SYNJ2: variants seen among roughly 807,000 people sequenced by gnomAD.
SYNJ2 encodes polyphosphatidylinositol phosphatase SYNJ2.
A neutral mutation model predicts 141.3 loss-of-function variants in SYNJ2; 116 were observed. The observed-to-expected ratio is 0.82, with a 90% CI of 0.71 to 0.96. SYNJ2 has a LOEUF of 0.96. SYNJ2 is among the 40% of genes least tolerant of loss of function. SYNJ2 has a pLI of 0.00. For missense variants in SYNJ2, 1,873 were observed against 1,934.8 expected, an observed-to-expected ratio of 0.97 and a Z score of 0.60; for synonymous variants, 745 against 777.7, an observed-to-expected ratio of 0.96 and a Z score of 0.70.
At chr6:158,091,059 T>C (rs1487239459) in intron 25 of SYNJ2, among the ~76,000 whole-genome samples, 1 of 152,114 alleles carries the variant, frequency 6.6e-6, no homozygotes, top group Non-Finnish European at 1.5e-5. Flanking sequence ...GGCTCACGCC[T>C]GTAATCCCAG....
chr6:158,089,677 GC>G (rs1371445605), intron 24 of SYNJ2, among the ~76,000 whole-genome samples, 161 bp from the exon 25 acceptor site: 1 of 152,006 alleles, frequency 6.6e-6, no homozygotes, highest in African/African-American at 2.4e-5. Context: ...GAAAGAGAGT[GC>G]TCCAGGAAAG....
At chr6:158,004,720 T>A (rs1382358094) in intron 1 of SYNJ2, among the ~76,000 whole-genome samples, 4 of 152,168 alleles carry the variant, frequency 2.6e-5, no homozygotes, top group African/African-American at 7.2e-5. Context: ...CTCTCTTGCA[T>A]GAGATCTAAG....
chr6:158,044,215 G>A (rs1354746262), intron 5 of SYNJ2, among the ~76,000 whole-genome samples: 1 of 152,230 alleles, frequency 6.6e-6, no homozygotes, highest in Non-Finnish European at 1.5e-5. Flanking sequence ...GGCTACTGGG[G>A]CCCAGAGTGC....
rs1783890372 is a variant in SYNJ2 at position 158,098,281 on chromosome 6, C to T, written c.*1917C>T. On this transcript the variant is annotated 3_prime_UTR_variant, in exon 27 of 27. Coordinates refer to ENST00000355585, the MANE Select transcript of SYNJ2 (RefSeq NM_003898.4). Reference sequence around the variant, plus strand: ...AGATCTCATTTTTAGGTTTTCTCTTCGTTCCAGATACCAAATAAATGGGAC... The same window carrying T: ...AGATCTCATTTTTAGGTTTTCTCTTTGTTCCAGATACCAAATAAATGGGAC... 6.6e-6 allele frequency: 1 copy of T among 152,170 alleles called. No individual in the cohort carries two copies. Among genetic ancestry groups the T allele is most frequent in the Admixed American group, 6.5e-5 (1 of 15,274 alleles). 9.4% of individuals were successfully genotyped at this position (152,170 alleles called of 1,614,324 possible).
rs772334040 is a variant in SYNJ2 at position 158,074,564 on chromosome 6, TTTC to T, written c.2134-13_2134-11del. 1 of 1,607,290 alleles carries T rather than the reference TTTC, an allele frequency of 6.2e-7. No individual in the cohort carries two copies. ...GCAAGATGGGCTGAATGATTATGAT[TTTC>T]TTTTCAACTTAGGGGAGAAATGTTT... On this transcript the variant is annotated splice_polypyrimidine_tract_variant and intron_variant, in intron 15 of 26. Transcript: ENST00000355585.
At chr6:157,984,993 A>G (rs1777148842) in intron 1 of SYNJ2, among the ~76,000 whole-genome samples, 1 of 152,184 alleles carries the variant, frequency 6.6e-6, no homozygotes, top group South Asian at 2.1e-4. Context: ...GCGGATGCAC[A>G]TAGCTGCTTT....
rs1778497417 is a variant in SYNJ2 at position 158,017,212 on chromosome 6, G to A, written c.136G>A (p.Glu46Lys). Residue 46 changes from glutamate (E) to lysine (K), a missense_variant, in exon 2 of 27, where the codon GAA becomes AAA. Glu to Lys is a moderately conservative substitution (Grantham distance 56). Coordinates refer to ENST00000355585, the MANE Select transcript of SYNJ2 (RefSeq NM_003898.4). ...AGTVATLAPE[E>K]KEVIKGQYGK... ...ATGTGTTTCTTCCCCAGCTCCAGAA[G>A]AAAAGGAAGTCATTAAAGGACAGTA... is the stretch of plus-strand genomic sequence containing the variant. 6.2e-7 allele frequency: 1 copy of A among 1,613,086 alleles called. No individual in the cohort carries two copies. The highest frequency in any genetic ancestry group is 8.5e-7 in the Non-Finnish European group (1 of 1,179,720).
In SYNJ2 at chr6:158,098,720, G is replaced by A. The variant is rs1030726033; in HGVS notation, c.*2356G>A. 2 of 152,016 alleles carry A rather than the reference G, an allele frequency of 1.3e-5. No homozygotes were observed. The highest frequency in any genetic ancestry group is 2.9e-5 in the Non-Finnish European group (2 of 68,020). 9.4% of individuals were successfully genotyped at this position (152,016 alleles called of 1,614,324 possible). On this transcript the variant is annotated 3_prime_UTR_variant, in exon 27 of 27. Coordinates refer to ENST00000355585, the MANE Select transcript of SYNJ2 (RefSeq NM_003898.4). The stretch of plus-strand genomic sequence containing the variant: ...TTTCGTCTTTGATGCTACCATCCAG[G>A]GCTTCTTATTGTGACCTTGTAGCCT...
intron 2 of SYNJ2, 173 bp from the exon 3 acceptor site, chr6:158,028,583 C>T: frequency 2.5e-6 from 2 of 798,824 alleles, no homozygotes; most frequent in Non-Finnish European, 3.9e-6. Flanking sequence ...CTGAAGCTTA[C>T]AGGACAGGGC....
intron 1 of SYNJ2, among the ~76,000 whole-genome samples, chr6:158,006,347 C>T (rs1258569553): frequency 6.6e-6 from 1 of 152,168 alleles, no homozygotes; most frequent in Non-Finnish European, 1.5e-5. Flanking sequence ...TTTTGCCCCT[C>T]AACTTTACTG....
At chr6:158,020,658 CCAGCTGCGTGACTT>C (rs1217588869) in intron 2 of SYNJ2, among the ~76,000 whole-genome samples, 4 of 150,890 alleles carry the variant, frequency 2.7e-5, no homozygotes, top group Admixed American at 1.3e-4. Context: ...TTGCCTGACT[CCAGCTGCGTGACTT>C]CAGCTGTGTG....
intron 1 of SYNJ2, among the ~76,000 whole-genome samples, chr6:158,013,345 T>A (rs1778335692): frequency 6.6e-6 from 1 of 152,126 alleles, no homozygotes; most frequent in African/African-American, 2.4e-5. Context: ...TGCACCATTG[T>A]ACTCCAGCCT....
Position 158,076,630 on chromosome 6 carries a change from T to C in SYNJ2, c.2297T>C (p.Phe766Ser). Residue 766 changes from phenylalanine (F) to serine (S), a missense_variant, in exon 17 of 27, where the codon TTT (phenylalanine) becomes TCT (serine). Coordinates refer to ENST00000355585, the MANE Select transcript of SYNJ2 (RefSeq NM_003898.4). ...GACTTCTTTTTCTCCCAATAGATTT[T>C]TAAGGACTTTCACGAAGGAGCCATT... is the stretch of plus-strand genomic sequence containing the variant. The part of the protein sequence containing the change: ...LQLQKSSGKI[F>S]KDFHEGAINF... 1 of 1,612,184 alleles carries C rather than the reference T, an allele frequency of 6.2e-7. No individual in the cohort carries two copies. The highest frequency in any genetic ancestry group is 8.5e-7 in the Non-Finnish European group (1 of 1,178,680).
At chr6:158,093,188 C>G in intron 26 of SYNJ2, 84 bp downstream of exon 26, 5 of 1,440,324 alleles carry the variant, frequency 3.5e-6, no homozygotes, top group Non-Finnish European at 4.7e-6. Flanking sequence ...GTAATCCCAG[C>G]ACATTGGGAA....
chr6:158,053,936 C>G (rs1046918047), intron 5 of SYNJ2, among the ~76,000 whole-genome samples: 3 of 151,586 alleles, frequency 2.0e-5, no homozygotes, highest in Admixed American at 6.6e-5. Context: ...TCTTATCCAC[C>G]TTTCTATCCA....
At chr6:158,059,538 G>A in intron 7 of SYNJ2, 185 bp downstream of exon 7, 1 of 1,369,904 alleles carries the variant, frequency 7.3e-7, no homozygotes. Flanking sequence ...CCCTGATACA[G>A]TGAGTGTAAT....
intron 24 of SYNJ2, 23 bp from the exon 25 acceptor site, chr6:158,089,816 C>T: frequency 1.3e-6 from 2 of 1,586,954 alleles, no homozygotes; most frequent in Non-Finnish European, 1.7e-6. Context: ...TGATACTCTG[C>T]TCTTCCTCAT....
At chr6:158,094,354 T>A (rs1783664261) in intron 26 of SYNJ2, among the ~76,000 whole-genome samples, 2 of 134,344 alleles carry the variant, frequency 1.5e-5, no homozygotes, top group South Asian at 4.6e-4. Flanking sequence ...CTCGCTGACC[T>A]TGAACACACT....
intron 13 of SYNJ2, among the ~76,000 whole-genome samples, chr6:158,069,219 C>G (rs774839083): frequency 6.6e-6 from 1 of 152,086 alleles, no homozygotes; most frequent in South Asian, 2.1e-4. Flanking sequence ...CCCCCCACCC[C>G]CTGCTGAACT....
Sources: allele counts gnomAD v4.1 joint callset (sites outside exome capture counted in the v4.1 genomes callset), GRCh38; gene constraint gnomAD v4.1.1; transcripts MANE v1.5; gene names NCBI Gene and HGNC (gene_info 2026-07-23, HGNC 2026-07-21).